The following RIT2 variants were observed in gnomAD, a reference collection of about 807,000 sequenced individuals.
The protein encoded by RIT2 is GTP-binding protein Rit2.
RIT2 carries 24 observed loss-of-function variants against 23.7 expected under a neutral mutation model. That is an observed-to-expected ratio of 1.01 (90% CI 0.73 to 1.43). RIT2 has a LOEUF of 1.43. Ranked by LOEUF, RIT2 falls within the 40% of genes most tolerant of loss-of-function variation. RIT2 has a pLI of 0.00. For missense variants in RIT2, 236 were observed against 266.9 expected, an observed-to-expected ratio of 0.88 and a Z score of 0.81; for synonymous variants, 107 against 91.1, an observed-to-expected ratio of 1.17 and a Z score of -0.99.
At chr18:43,006,174 T>C (rs1301710886) in intron 2 of RIT2, among the ~76,000 whole-genome samples, 2 of 151,714 alleles carry the variant, frequency 1.3e-5, no homozygotes, top group Admixed American at 6.6e-5. Flanking sequence ...TTGTGCTGTA[T>C]AGTAGTACAA....
chr18:42,957,876 G>A (rs1487407246), intron 3 of RIT2, among the ~76,000 whole-genome samples: 8 of 152,134 alleles, frequency 5.3e-5, no homozygotes, highest in Non-Finnish European at 1.0e-4. Context: ...TGGTTTGGAA[G>A]AAAACACAAC....
chr18:43,020,288 C>G (rs532496059), intron 2 of RIT2, among the ~76,000 whole-genome samples: 4 of 152,112 alleles, frequency 2.6e-5, no homozygotes, highest in African/African-American at 7.2e-5. Flanking sequence ...AGTTCAAGAC[C>G]AGCCTGACCA....
chr18:43,001,927 T>C (rs1189060912), intron 2 of RIT2, among the ~76,000 whole-genome samples: 1 of 151,976 alleles, frequency 6.6e-6, no homozygotes, highest in African/African-American at 2.4e-5. Flanking sequence ...ATTCCAGAAC[T>C]TTACTGGATT....
chr18:42,878,449 G>A (rs1907801312), intron 4 of RIT2, among the ~76,000 whole-genome samples: 1 of 151,908 alleles, frequency 6.6e-6, no homozygotes, highest in South Asian at 2.1e-4. Context: ...AGTAGGCTGA[G>A]AAGGAGGAGG....
At chr18:42,869,760 A>G (rs938601632) in intron 4 of RIT2, among the ~76,000 whole-genome samples, 2 of 152,210 alleles carry the variant, frequency 1.3e-5, no homozygotes, top group Admixed American at 1.3e-4. Flanking sequence ...GACCACAGTA[A>G]AACTCATAAT....
At chr18:42,887,808 T>C (rs1165221133) in intron 4 of RIT2, among the ~76,000 whole-genome samples, 4 of 148,618 alleles carry the variant, frequency 2.7e-5, no homozygotes, top group South Asian at 2.2e-4. Context: ...ATTCATACAA[T>C]GGAATAGTAT....
intron 4 of RIT2, among the ~76,000 whole-genome samples, chr18:42,878,332 G>A (rs1907798267): frequency 6.6e-6 from 1 of 151,080 alleles, no homozygotes; most frequent in Non-Finnish European, 1.5e-5. Context: ...AGCTATAGAA[G>A]GAAAAATGTT....
chr18:42,830,444 C>G (rs1441811913), intron 4 of RIT2, among the ~76,000 whole-genome samples: 1 of 152,188 alleles, frequency 6.6e-6, no homozygotes, highest in Non-Finnish European at 1.5e-5. Flanking sequence ...GTGAGAACTC[C>G]TTCCTGAGAG....
chr18:43,113,527 T>A (rs150442025), intron 1 of RIT2, among the ~76,000 whole-genome samples: 1 of 152,304 alleles, frequency 6.6e-6, no homozygotes, highest in East Asian at 1.9e-4. Context: ...TGTGTCACAT[T>A]GAAAATCCAT....
chr18:42,870,509 T>C (rs1907594100), intron 4 of RIT2, among the ~76,000 whole-genome samples: 1 of 152,186 alleles, frequency 6.6e-6, no homozygotes, highest in Non-Finnish European at 1.5e-5. Context: ...CCACCACACC[T>C]GGCCTGTACC....
rs540809650 is a variant in RIT2 at position 42,804,779 on chromosome 18, G to A, written c.427-61059C>T. ...GGTCTTTACCATCATCAGCTTACCA[G>A]AACTAATAACCTCTGATTCCTGTTT... On this transcript the variant is annotated intron_variant, in intron 4 of 4. Transcript: ENST00000326695. 1.5e-4 allele frequency among the ~76,000 whole-genome samples: 23 copies of A among 152,098 alleles called. No homozygotes were observed. The South Asian group carries it at 4.8e-3, about 32-fold the overall frequency.
chr18:43,017,721 G>A (rs942961781), intron 2 of RIT2, among the ~76,000 whole-genome samples: 2 of 152,000 alleles, frequency 1.3e-5, no homozygotes, highest in African/African-American at 4.8e-5. Context: ...ATGTGGTAGG[G>A]AGAGTTATTA....
intron 3 of RIT2, among the ~76,000 whole-genome samples, chr18:42,935,746 G>A (rs754080161): frequency 7.2e-5 from 11 of 152,128 alleles, no homozygotes; most frequent in Non-Finnish European, 1.6e-4. Context: ...AATGGTGAAA[G>A]TAGGGATTTA....
intron 4 of RIT2, among the ~76,000 whole-genome samples, chr18:42,836,124 A>C (rs1339092647): frequency 6.6e-6 from 1 of 152,202 alleles, no homozygotes; most frequent in African/African-American, 2.4e-5. Flanking sequence ...ATAATCCATA[A>C]GGGCAAATGT....
chr18:42,995,976 C>T (rs1910974004), intron 2 of RIT2, among the ~76,000 whole-genome samples: 1 of 152,154 alleles, frequency 6.6e-6, no homozygotes, highest in Non-Finnish European at 1.5e-5. Context: ...CCCCAAACTG[C>T]CACTCTTAAC....
At chr18:43,091,438 A>G (rs1210689916) in intron 1 of RIT2, among the ~76,000 whole-genome samples, 1 of 152,086 alleles carries the variant, frequency 6.6e-6, no homozygotes, top group Non-Finnish European at 1.5e-5. Flanking sequence ...TAACATTTAG[A>G]TTATAGATTT....
chr18:42,889,393 T>G (rs980245633), intron 4 of RIT2, among the ~76,000 whole-genome samples: 2 of 152,044 alleles, frequency 1.3e-5, no homozygotes, highest in Non-Finnish European at 2.9e-5. Flanking sequence ...CCACCTTAGA[T>G]GAATTATATT....
intron 4 of RIT2, among the ~76,000 whole-genome samples, chr18:42,858,349 T>A (rs1943882275): frequency 3.3e-5 from 5 of 152,136 alleles, no homozygotes; most frequent in Non-Finnish European, 2.9e-5. Flanking sequence ...GTAGAGGCAC[T>A]TTGCACTCTC....
intron 4 of RIT2, among the ~76,000 whole-genome samples, chr18:42,860,581 T>C (rs1193821245): frequency 2.6e-5 from 4 of 152,194 alleles, no homozygotes; most frequent in Non-Finnish European, 5.9e-5. Flanking sequence ...CCATTTCTTT[T>C]GATCTCCAAT....
Sources: allele counts gnomAD v4.1 joint callset (sites outside exome capture counted in the v4.1 genomes callset), GRCh38; gene constraint gnomAD v4.1.1; transcripts MANE v1.5; gene names NCBI Gene and HGNC (gene_info 2026-07-23, HGNC 2026-07-21).